Variants in CCNY observed in about 807,000 individuals in gnomAD.
CCNY encodes the protein cyclin Y, also known as cyclin-Y.
CCNY carries 19 observed loss-of-function variants against 42.8 expected under a neutral mutation model. The observed-to-expected ratio is 0.44, with a 90% CI of 0.31 to 0.65. The LOEUF is 0.65. Among genes scored for constraint, CCNY ranks in the 30% least tolerant of loss-of-function variants. CCNY has a pLI of 0.07. For missense variants in CCNY, 370 were observed against 437.3 expected (o/e 0.85, Z 1.37); for synonymous variants, 165 against 162.7 (o/e 1.01, Z -0.11).
intron 5 of CCNY, among the ~76,000 whole-genome samples, chr10:35,528,423 G>C (rs1840696777): frequency 6.6e-6 from 1 of 152,196 alleles, no homozygotes; most frequent in African/African-American, 2.4e-5. Context: ...AATTGCTGTG[G>C]CTGAGCGCAG....
At chr10:35,357,376 A>G (rs1231833995) in intron 1 of CCNY, among the ~76,000 whole-genome samples, 2 of 152,230 alleles carry the variant, frequency 1.3e-5, no homozygotes, top group Non-Finnish European at 1.5e-5. Flanking sequence ...CTAACACAGT[A>G]CTTAGCATAT....
chr10:35,526,486 G>A (rs1840655036), intron 5 of CCNY, among the ~76,000 whole-genome samples: 1 of 152,016 alleles, frequency 6.6e-6, no homozygotes, highest in Admixed American at 6.6e-5. Flanking sequence ...AGTTAAAACA[G>A]GGAGTGAAAA....
chr10:35,370,471 T>C (rs994715437), intron 1 of CCNY, among the ~76,000 whole-genome samples: 1 of 151,672 alleles, frequency 6.6e-6, no homozygotes, highest in South Asian at 2.1e-4. Context: ...CATATTCTTT[T>C]GGTGTTTATG....
intron 1 of CCNY, among the ~76,000 whole-genome samples, chr10:35,377,034 A>T (rs1204169299): frequency 1.3e-5 from 2 of 152,170 alleles, no homozygotes; most frequent in African/African-American, 4.8e-5. Context: ...GTTAGGCACC[A>T]CATAATGATG....
intron 1 of CCNY, among the ~76,000 whole-genome samples, chr10:35,436,304 C>T (rs542998196): frequency 6.6e-6 from 1 of 152,318 alleles, no homozygotes; most frequent in South Asian, 2.1e-4. Context: ...TATGGGTCCC[C>T]CACCCCTCAG....
intron 1 of CCNY, among the ~76,000 whole-genome samples, chr10:35,481,226 T>A (rs1365614609): frequency 1.3e-5 from 2 of 152,208 alleles, no homozygotes; most frequent in African/African-American, 4.8e-5. Context: ...GATAGTACTA[T>A]TATTTACTAT....
At chr10:35,476,970 A>G (rs1426291465) in intron 1 of CCNY, among the ~76,000 whole-genome samples, 1 of 152,162 alleles carries the variant, frequency 6.6e-6, no homozygotes, top group Non-Finnish European at 1.5e-5. Flanking sequence ...CACCAATCCC[A>G]CAGAAATACA....
At chr10:35,526,202 G>A (rs915503529) in intron 5 of CCNY, among the ~76,000 whole-genome samples, 7 of 152,174 alleles carry the variant, frequency 4.6e-5, no homozygotes, top group East Asian at 1.9e-4. Flanking sequence ...CCAAATGAGC[G>A]TGGTTGAAAC....
intron 1 of CCNY, among the ~76,000 whole-genome samples, chr10:35,474,659 T>C (rs894231676): frequency 5.3e-5 from 8 of 151,826 alleles, no homozygotes; most frequent in Non-Finnish European, 1.2e-4. Context: ...ATCACCATCA[T>C]CAAAGACCAA....
rs776085092 is a variant in CCNY, at chr10:35,468,480, C to G, written c.155-14924C>G. Among the ~76,000 whole-genome samples, 6 of 152,172 alleles carry G rather than the reference C, an allele frequency of 3.9e-5. No homozygotes were observed. In the South Asian group the frequency reaches 1.2e-3, roughly 32 times the overall value. On this transcript the variant is annotated intron_variant, in intron 1 of 9. Coordinates refer to ENST00000374704, the MANE Select transcript of CCNY (RefSeq NM_145012.6). ...TTTTAAAACTCCCTTTTATTTTTTT[C>G]AGAGTATCTTTTCCCCCTTATTTTA... is the stretch of plus-strand genomic sequence containing the variant.
intron 1 of CCNY, among the ~76,000 whole-genome samples, chr10:35,367,700 G>A (rs943822073): frequency 6.6e-6 from 1 of 152,212 alleles, no homozygotes; most frequent in Non-Finnish European, 1.5e-5. Flanking sequence ...TGGGAGCTGG[G>A]TAGGGTTGTC....
intron 7 of CCNY, among the ~76,000 whole-genome samples, chr10:35,543,133 C>T (rs933339124): frequency 6.6e-6 from 1 of 152,064 alleles, no homozygotes; most frequent in Non-Finnish European, 1.5e-5. Context: ...GTTTAAAACC[C>T]CACTAATCGG....
chr10:35,344,727 C>T (rs1343984980), intron 1 of CCNY, among the ~76,000 whole-genome samples: 1 of 151,868 alleles, frequency 6.6e-6, no homozygotes, highest in Non-Finnish European at 1.5e-5. Context: ...CCTCCCCACT[C>T]CCCCCACCCG....
At chr10:35,470,129 C>T (rs1332944477) in intron 1 of CCNY, among the ~76,000 whole-genome samples, 2 of 105,176 alleles carry the variant, frequency 1.9e-5, no homozygotes, top group Admixed American at 1.0e-4. Flanking sequence ...AAAGATAGGG[C>T]GATGGGGAGA....
At chr10:35,302,883 C>A (rs1455703051) in intron 3 of CCNY, among the ~76,000 whole-genome samples, 3 of 152,034 alleles carry the variant, frequency 2.0e-5, no homozygotes, top group African/African-American at 7.2e-5. Flanking sequence ...ATAACCAAAA[C>A]AATATTTATT....
chr10:35,568,418 GC>G (rs1247752939), intron 9 of CCNY, among the ~76,000 whole-genome samples: 4 of 152,242 alleles, frequency 2.6e-5, no homozygotes, highest in Non-Finnish European at 5.9e-5. Flanking sequence ...CCCAGTGGCA[GC>G]CCTGGGAGAG....
chr10:35,251,629 T>C (rs189660632), intron 3 of CCNY, among the ~76,000 whole-genome samples: 160 of 150,780 alleles, frequency 1.1e-3, no homozygotes, highest in African/African-American at 3.5e-3. Flanking sequence ...CGCTCTGTCA[T>C]GCAGGCTGGA....
intron 1 of CCNY, among the ~76,000 whole-genome samples, chr10:35,352,765 G>A (rs1477825492): frequency 6.6e-6 from 1 of 152,236 alleles, no homozygotes; most frequent in Non-Finnish European, 1.5e-5. Flanking sequence ...GGCAGAGGAT[G>A]TGGTCAGGGT....
At chr10:35,523,148 G>A (rs1840582592) in intron 4 of CCNY, among the ~76,000 whole-genome samples, 1 of 152,204 alleles carries the variant, frequency 6.6e-6, no homozygotes, top group East Asian at 1.9e-4. Flanking sequence ...CACCATAAAA[G>A]TCCTGAACAT....
Sources: gnomAD v4.1 joint callset for allele counts (sites outside exome capture counted in the v4.1 genomes callset) on GRCh38, gnomAD v4.1.1 for gene constraint, MANE v1.5 for transcripts, NCBI Gene and HGNC (gene_info 2026-07-23, HGNC 2026-07-21) for gene names.